Variants in BTD observed in about 807,000 individuals in gnomAD.
The protein encoded by BTD is biocytinase.
In BTD, 13 loss-of-function variants were observed where a neutral mutation model predicts 17.7. That is an observed-to-expected ratio of 0.74 (90% CI 0.48 to 1.17). BTD has a LOEUF of 1.17. BTD is among the 50% of genes most tolerant of loss of function. BTD has a pLI of 0.00. For missense variants in BTD, 674 were observed against 650.4 expected (o/e 1.04, Z -0.39); for synonymous variants, 240 against 245.2 (o/e 0.98, Z 0.20).
At chr3:15,631,512 T>C (rs1260465216) in intron 1 of BTD, 1 of 1,520,622 alleles carries the variant, frequency 6.6e-7, no homozygotes, top group East Asian at 2.5e-5. Flanking sequence ...AAAAATCCCT[T>C]GTGTGTAAAA....
At chr3:15,670,980 T>C (rs1343316852) in intron 3 of BTD, among the ~76,000 whole-genome samples, 4 of 152,232 alleles carry the variant, frequency 2.6e-5, no homozygotes, top group Admixed American at 1.3e-4. Flanking sequence ...AATTTGTAGT[T>C]ATGTAAGGAA....
chr3:15,675,400 T>G (rs1383192987), intron 3 of BTD, among the ~76,000 whole-genome samples: 1 of 152,050 alleles, frequency 6.6e-6, no homozygotes, highest in Non-Finnish European at 1.5e-5. Context: ...GCAGTGAGAT[T>G]TATAAATTAT....
intron 3 of BTD, chr3:15,696,268 A>G (rs2069533871): frequency 2.9e-6 from 4 of 1,401,246 alleles, no homozygotes; most frequent in Non-Finnish European, 3.9e-6. Context: ...ACAACAACAT[A>G]CTGAAAATCC....
chr3:15,628,659 C>T (rs935345033), intron 1 of BTD, among the ~76,000 whole-genome samples: 4 of 152,038 alleles, frequency 2.6e-5, no homozygotes, highest in African/African-American at 4.8e-5. Flanking sequence ...CTAGAAGTGC[C>T]CCCACCATTC....
At chr3:15,631,538 CAT>C in intron 1 of BTD, 1 of 1,427,456 alleles carries the variant, frequency 7.0e-7, no homozygotes, top group East Asian at 2.5e-5. Context: ...TAGTGATTGA[CAT>C]ATTACCAAAT....
intron 3 of BTD, among the ~76,000 whole-genome samples, chr3:15,694,054 C>T (rs1575185989): frequency 6.6e-6 from 1 of 151,958 alleles, no homozygotes; most frequent in Non-Finnish European, 1.5e-5. Context: ...CTCAAAGTAC[C>T]CCCTTCCCTA....
intron 3 of BTD, among the ~76,000 whole-genome samples, chr3:15,677,967 C>T (rs898297888): frequency 1.1e-4 from 17 of 152,022 alleles, no homozygotes; most frequent in African/African-American, 4.1e-4. Context: ...TCAGGCAATC[C>T]AACTCCACAG....
chr3:15,689,241 A>G (rs747377693), intron 3 of BTD, among the ~76,000 whole-genome samples: 17 of 152,206 alleles, frequency 1.1e-4, no homozygotes, highest in Non-Finnish European at 2.5e-4. Context: ...AAGTCCAGAG[A>G]TAAGTCCAGG....
At chr3:15,691,810 A>C (rs748046384) in intron 3 of BTD, among the ~76,000 whole-genome samples, 10 of 152,204 alleles carry the variant, frequency 6.6e-5, no homozygotes, top group African/African-American at 1.2e-4. Context: ...GAGGAATCAT[A>C]CATTAAATAT....
chr3:15,619,280 T>C (rs182219738), intron 1 of BTD, among the ~76,000 whole-genome samples: 22 of 152,350 alleles, frequency 1.4e-4, no homozygotes, highest in Admixed American at 1.2e-3. Context: ...ATACATCTAT[T>C]TGACATCTAT....
chr3:15,630,567 A>C (rs1460449466), intron 1 of BTD, among the ~76,000 whole-genome samples: 1 of 152,236 alleles, frequency 6.6e-6, no homozygotes, highest in Admixed American at 6.5e-5. Flanking sequence ...CTTTGATTGC[A>C]CATTTGGTTT....
At chr3:15,654,546 C>A (rs2065851920), downstream of BTD, among the ~76,000 whole-genome samples, 1 of 152,108 alleles carries the variant, frequency 6.6e-6, no homozygotes, top group Admixed American at 6.5e-5. Context: ...CAAAACATTT[C>A]TTTGGAATTA....
intron 3 of BTD, among the ~76,000 whole-genome samples, chr3:15,691,792 T>A (rs1303726355): frequency 6.6e-6 from 1 of 152,176 alleles, no homozygotes; most frequent in Non-Finnish European, 1.5e-5. Flanking sequence ...ACTGAAAGAA[T>A]GAACTCTGAG....
At chr3:15,657,396 T>G (rs2065881981), downstream of BTD, among the ~76,000 whole-genome samples, 1 of 152,234 alleles carries the variant, frequency 6.6e-6, no homozygotes, top group Non-Finnish European at 1.5e-5. Flanking sequence ...TCCTTGAATC[T>G]TTCCAATAAC....
At chr3:15,637,650 C>T (rs994306477) in intron 2 of BTD, among the ~76,000 whole-genome samples, 4 of 152,176 alleles carry the variant, frequency 2.6e-5, no homozygotes, top group Non-Finnish European at 5.9e-5. Flanking sequence ...TGCCCTCAGA[C>T]CTCCTGATGA....
At chr3:15,711,181 C>T in exon 4 of BTD, 1 of 1,574,752 alleles carries the variant, frequency 6.4e-7, no homozygotes, top group Non-Finnish European at 8.7e-7. Flanking sequence ...GCTATCTTTT[C>T]TTAAAGAAAT....
Position 15,711,691 on chromosome 3 carries a change from T to C in BTD, c.*1617T>C, listed in dbSNP as rs986983964. Among the ~76,000 whole-genome samples, 12 of 151,900 alleles carry C rather than the reference T, an allele frequency of 7.9e-5. No individual in the cohort carries two copies. The South Asian group carries it at 1.0e-3, about 13-fold the overall frequency. The stretch of plus-strand genomic sequence containing the variant: ...TAACAGGGGATGAAGAGGTTTTCTG[T>C]ATTTTTTTTTTTTGAGACAGAGTCT... On this transcript the variant is annotated 3_prime_UTR_variant, in exon 4 of 4. Coordinates refer to the BTD transcript ENST00000672141.
rs2068376039 is a variant in BTD, at chr3:15,688,251, G to A, written c.400-21809G>A. On this transcript the variant is annotated intron_variant, in intron 3 of 3. Coordinates refer to the BTD transcript ENST00000672141. ...AGCTATAGATTAATATTTTTAAAAT[G>A]TACTTATTTTTCACAGATCCCATCC... 3.9e-5 allele frequency among the ~76,000 whole-genome samples: 6 copies of A among 152,214 alleles called. No individual in the cohort carries two copies. The South Asian group carries it at 1.2e-3, about 32-fold the overall frequency.
chr3:15,643,804 C>T (rs2065603596), intron 3 of BTD, among the ~76,000 whole-genome samples: 1 of 149,704 alleles, frequency 6.7e-6, no homozygotes. Flanking sequence ...CACCTGTAGT[C>T]CCAGCTTCTT....
Sources: gnomAD v4.1 joint callset for allele counts (sites outside exome capture counted in the v4.1 genomes callset) on GRCh38, gnomAD v4.1.1 for gene constraint, MANE v1.5 for transcripts, NCBI Gene and HGNC (gene_info 2026-07-23, HGNC 2026-07-21) for gene names.